NDST1: variants seen among roughly 807,000 people sequenced by gnomAD.
NDST1 encodes the protein bifunctional heparan sulfate N-deacetylase/N-sulfotransferase 1.
NDST1 carries 35 observed loss-of-function variants against 92.8 expected under a neutral mutation model. The observed-to-expected ratio is 0.38, with a 90% CI of 0.29 to 0.50. The LOEUF (loss-of-function observed/expected upper bound fraction) is 0.50, where lower values mean the gene tolerates loss of function less well. Ranked by LOEUF, NDST1 falls within the 20% of genes least tolerant of loss-of-function variation. NDST1 has a pLI of 0.94. For synonymous variants in NDST1, 493 were observed against 500.3 expected (o/e 0.99, Z 0.19); for missense variants, 822 against 1,182.7 (o/e 0.69, Z 4.47).
chr5:150,524,343 G>T (rs1754374393), intron 2 of NDST1, among the ~76,000 whole-genome samples: 1 of 152,252 alleles, frequency 6.6e-6, no homozygotes, highest in Admixed American at 6.5e-5. Context: ...GTAGCACTGT[G>T]TCCGTCTTGT....
Position 150,543,025 on chromosome 5 carries a change from C to G in NDST1, c.1970+54C>G, listed in dbSNP as rs1755315615. On this transcript the variant is annotated intron_variant, in intron 10 of 14. Transcript: ENST00000261797. ...ACGGGAAGGCCATCCTGGGGCCTCC[C>G]AGGAGTCTGCTGTGGCCACAGCAGG... The G allele has an allele frequency of 3.1e-6, 5 of 1,611,008 alleles. No individual in the cohort carries two copies. The South Asian group carries it at 5.5e-5, about 18-fold the overall frequency.
chr5:150,539,222 C>T lies in NDST1; in HGVS notation c.1438-6C>T, dbSNP rs540431476. 1.2e-5 allele frequency: 20 copies of T among 1,612,838 alleles called. No homozygotes were observed. Among genetic ancestry groups the T allele is most frequent in the Non-Finnish European group, 1.5e-5 (18 of 1,178,982 alleles). Reference sequence around the variant, plus strand: ...CCATAGCTCCTCTCCCCCACCCCCTCCTCAGGTTCTCCCACGGCAGACCTG... The same window carrying T: ...CCATAGCTCCTCTCCCCCACCCCCTTCTCAGGTTCTCCCACGGCAGACCTG... On this transcript the variant is annotated splice_polypyrimidine_tract_variant and splice_region_variant and intron_variant, in intron 6 of 14. Transcript: ENST00000261797.
intron 1 of NDST1, chr5:150,518,938 G>A (rs1440093047): frequency 2.6e-5 from 4 of 151,994 alleles, no homozygotes; most frequent in Middle Eastern, 3.2e-3. Flanking sequence ...CACCACGCCC[G>A]ACTAGTTTTT....
chr5:150,545,940 A>C (rs1380129543), intron 11 of NDST1, among the ~76,000 whole-genome samples: 1 of 146,988 alleles, frequency 6.8e-6, no homozygotes, highest in Non-Finnish European at 1.5e-5. Flanking sequence ...TGATACATGG[A>C]GAGGGTGTGG....
chr5:150,519,897 C>T (rs1252669625), intron 1 of NDST1, among the ~76,000 whole-genome samples: 2 of 151,806 alleles, frequency 1.3e-5, no homozygotes, highest in Non-Finnish European at 2.9e-5. Flanking sequence ...TGGGTGCAGG[C>T]GGTGCGGGGG....
Position 150,545,265 on chromosome 5 carries a change from C to T in NDST1, c.1971-47C>T. 6 of 1,608,768 alleles carry T rather than the reference C, an allele frequency of 3.7e-6. No individual in the cohort carries two copies. The Admixed American group carries it at 5.0e-5, about 13-fold the overall frequency. ...CCTTGTGCTGCATTCCCTTAGCCCC[C>T]TCCTCATGAGTTTTGTCTGTGAGCC... On this transcript the variant is annotated intron_variant, in intron 10 of 14. Transcript: ENST00000261797.
chr5:150,519,684 TC>T (rs1208533587), intron 1 of NDST1, among the ~76,000 whole-genome samples: 1 of 150,466 alleles, frequency 6.6e-6, no homozygotes, highest in Non-Finnish European at 1.5e-5. Context: ...AAACTCCGCC[TC>T]AAAAAAAAAA....
At chr5:150,540,411 A>G (rs1755191679) in intron 8 of NDST1, 147 bp downstream of exon 8, 2 of 842,732 alleles carry the variant, frequency 2.4e-6, no homozygotes, top group Non-Finnish European at 3.6e-6. Context: ...TCTACTTACC[A>G]GCATGGGTGC....
intron 1 of NDST1, among the ~76,000 whole-genome samples, chr5:150,513,374 C>T (rs1753812105): frequency 6.6e-6 from 1 of 152,082 alleles, no homozygotes; most frequent in Non-Finnish European, 1.5e-5. Context: ...GCCTGTAATC[C>T]CCACTACTCA....
intron 1 of NDST1, among the ~76,000 whole-genome samples, chr5:150,514,560 CAAAAA>C (rs34675841): frequency 3.6e-5 from 2 of 55,084 alleles, no homozygotes; most frequent in Admixed American, 1.8e-4. Flanking sequence ...GACTCCGTCT[CAAAAA>C]AAAAAAAAAA....
intron 3 of NDST1, 114 bp from the exon 4 acceptor site, chr5:150,532,831 A>G: frequency 3.0e-6 from 3 of 1,003,874 alleles, no homozygotes; most frequent in African/African-American, 1.6e-5. Context: ...CGTCCTTGAC[A>G]TTCTTTATAA....
chr5:150,525,077 G>A (rs1754409930), intron 2 of NDST1, among the ~76,000 whole-genome samples: 1 of 152,218 alleles, frequency 6.6e-6, no homozygotes, highest in African/African-American at 2.4e-5. Context: ...TCCCGAATCA[G>A]GGCTCCTCCT....
At chr5:150,506,646 C>T (rs1753471402), upstream of NDST1, among the ~76,000 whole-genome samples, 1 of 152,208 alleles carries the variant, frequency 6.6e-6, no homozygotes, top group Admixed American at 6.5e-5. Flanking sequence ...TAGCTGTTGT[C>T]TGTGTCCTAG....
intron 3 of NDST1, among the ~76,000 whole-genome samples, chr5:150,529,770 T>C (rs985014035): frequency 6.6e-6 from 1 of 152,228 alleles, no homozygotes; most frequent in South Asian, 2.1e-4. Context: ...CCCAGGCTTG[T>C]CTTTGATGTT....
intron 6 of NDST1, 88 bp from the exon 7 acceptor site, chr5:150,539,140 A>G (rs1192359776): frequency 1.1e-5 from 12 of 1,091,990 alleles, no homozygotes; most frequent in African/African-American, 3.1e-5. Context: ...TCTGAGGAGC[A>G]GCTGGGCCTT....
chr5:150,540,231 G>A lies in NDST1; in HGVS notation c.1716G>A (p.Gln572=), dbSNP rs1344524537. ...PPVQLAQKYF[Q]IFSEEKDPLW... is the part of the protein sequence containing the mutation. ...TGCAGTTGGCGCAGAAGTACTTCCA[G>A]ATCTTCTCCGAGGAGAAGGACCCGC... Residue 572 remains glutamine (Q), a synonymous_variant, in exon 8 of 15, where the codon CAG becomes CAA. Coordinates refer to ENST00000261797, the MANE Select transcript of NDST1 (RefSeq NM_001543.5). The A allele has an allele frequency of 6.2e-7, 1 of 1,612,676 alleles. No individual in the cohort carries two copies. Among genetic ancestry groups the A allele is most frequent in the Non-Finnish European group, 8.5e-7 (1 of 1,178,900 alleles).
At chr5:150,503,584 C>T (rs1251378455), upstream of NDST1, among the ~76,000 whole-genome samples, 1 of 152,256 alleles carries the variant, frequency 6.6e-6, no homozygotes, top group East Asian at 1.9e-4. Flanking sequence ...TGGGAGGAAC[C>T]GTGGGAGGTT....
rs1207211789 is a variant in NDST1 at position 150,556,688 on chromosome 5, C to G, written c.*3356C>G. The G allele has an allele frequency of 6.6e-6, 1 of 152,246 alleles. No homozygotes were observed. The highest frequency in any genetic ancestry group is 1.5e-5 in the Non-Finnish European group (1 of 68,052). The allele number at this position is 152,246 out of a possible 1,614,324, so 9.4% of individuals were successfully genotyped here. On this transcript the variant is annotated 3_prime_UTR_variant, in exon 15 of 15. Coordinates refer to ENST00000261797, the MANE Select transcript of NDST1 (RefSeq NM_001543.5). ...TCCCTGAAAGCTTCAGCCTGCATCT[C>G]CTAAGAGTTAGGGCATTGTCCTACA...
Position 150,553,540 on chromosome 5 carries a change from C to A in NDST1, c.*208C>A. 1 of 621,510 alleles carries A rather than the reference C, an allele frequency of 1.6e-6. No homozygotes were observed. Among genetic ancestry groups the A allele is most frequent in the Non-Finnish European group, 2.9e-6 (1 of 346,652 alleles). The allele number at this position is 621,510 out of a possible 1,614,324, so 38.5% of individuals were successfully genotyped here. A position where few individuals can be genotyped will look rare whatever the true frequency, so the allele number is the denominator to read the frequency against. On this transcript the variant is annotated 3_prime_UTR_variant, in exon 15 of 15. Transcript: ENST00000261797. The surrounding 1 kb of genome is among the most constrained non-coding windows in gnomAD (Gnocchi z 4.2). ...ACCGCTGGGTCTGCGGCCTAAGGGA[C>A]CTCCCTCGCCAGCAGAGGTCCATTC...
Sources: allele counts gnomAD v4.1 joint callset (sites outside exome capture counted in the v4.1 genomes callset), GRCh38; gene constraint gnomAD v4.1.1; non-coding constraint Gnocchi (gnomAD v3.1); transcripts MANE v1.5; gene names NCBI Gene and HGNC (gene_info 2026-07-23, HGNC 2026-07-21).